The following ODAD2 variants were observed in gnomAD, a reference collection of about 807,000 sequenced individuals.
ODAD2 encodes outer dynein arm docking complex subunit 2, also known as outer dynein arm-docking complex subunit 2.
In ODAD2, 89 loss-of-function variants were observed where a neutral mutation model predicts 106.8. That is an observed-to-expected ratio of 0.83 (90% CI 0.70 to 0.99). The LOEUF (loss-of-function observed/expected upper bound fraction) is 0.99. ODAD2 is among the 50% of genes least tolerant of loss of function. The pLI is 0.00. For missense variants in ODAD2, 1,168 were observed against 1,238.5 expected (o/e 0.94, Z 0.85); for synonymous variants, 404 against 436.2 (o/e 0.93, Z 0.92).
chr10:27,944,966 C>A lies in ODAD2; in HGVS notation c.1387-4G>T, dbSNP rs1590099355. ...CTGTAGCTGTTTGATTTCCTCCCTA[C>A]AAAGATGCAATGCCAGAGAAAGGTT... On this transcript the variant is annotated splice_region_variant and splice_polypyrimidine_tract_variant and intron_variant, in intron 10 of 19. Transcript: ENST00000305242. The A allele has an allele frequency of 3.1e-6, 5 of 1,613,718 alleles. No homozygotes were observed. The highest frequency in any genetic ancestry group is 3.3e-5 in the Admixed American group (2 of 59,992).
At chr10:27,873,630 G>T (rs892356452) in intron 17 of ODAD2, among the ~76,000 whole-genome samples, 71 of 151,924 alleles carry the variant, frequency 4.7e-4, no homozygotes, top group Non-Finnish European at 7.8e-4. Flanking sequence ...AGTCATTCAG[G>T]AGCAGGTTGT....
chr10:27,860,637 A>G lies in ODAD2; in HGVS notation c.3009T>C (p.Asn1003=). 6.2e-7 allele frequency: 1 copy of G among 1,613,910 alleles called. No homozygotes were observed. Among genetic ancestry groups the G allele is most frequent in the Middle Eastern group, 1.7e-4 (1 of 5,992 alleles). Residue 1003 remains asparagine (N), a synonymous_variant, in exon 19 of 20, where the codon AAT becomes AAC. Coordinates refer to ENST00000305242, the MANE Select transcript of ODAD2 (RefSeq NM_018076.5). ...DADNCITMHE[N]GAVKLLLDMV... is the part of the protein sequence containing the mutation. ...CATTCAACTGTACCTTTACTGCACC[A>G]TTCTCATGCATGGTGATGCAGTTAT...
At chr10:27,900,216 CAG>C (rs1481467819) in intron 17 of ODAD2, among the ~76,000 whole-genome samples, 3 of 152,106 alleles carry the variant, frequency 2.0e-5, no homozygotes, top group African/African-American at 7.2e-5. Flanking sequence ...AGACCTGCAG[CAG>C]AGAGTCCTGA....
At chr10:27,928,580 T>A (rs1299200347) in intron 16 of ODAD2, among the ~76,000 whole-genome samples, 1 of 152,142 alleles carries the variant, frequency 6.6e-6, no homozygotes, top group African/African-American at 2.4e-5. Flanking sequence ...CCTCCTTTAC[T>A]GCAGGTGAGA....
chr10:27,933,952 A>C (rs961545151), intron 16 of ODAD2, among the ~76,000 whole-genome samples: 15 of 152,146 alleles, frequency 9.9e-5, no homozygotes, highest in Non-Finnish European at 2.1e-4. Flanking sequence ...CCCCACCCAA[A>C]TCTTATCCTG....
intron 17 of ODAD2, among the ~76,000 whole-genome samples, chr10:27,874,745 C>T (rs972063352): frequency 2.0e-5 from 3 of 152,140 alleles, no homozygotes; most frequent in African/African-American, 2.4e-5. Flanking sequence ...GATGGGCTTC[C>T]CTTTGTGTGT....
At chr10:27,866,818 G>A (rs1048108912) in intron 17 of ODAD2, among the ~76,000 whole-genome samples, 4 of 152,004 alleles carry the variant, frequency 2.6e-5, no homozygotes, top group Non-Finnish European at 4.4e-5. Flanking sequence ...ATTCATAAGG[G>A]ATCAGCCCCC....
At chr10:27,909,832 A>AAAG (rs1345040083) in intron 16 of ODAD2, among the ~76,000 whole-genome samples, 1 of 145,234 alleles carries the variant, frequency 6.9e-6, no homozygotes, top group African/African-American at 2.8e-5. Context: ...AAAAAAAAAA[A>AAAG]AAAAAAAAAA....
In ODAD2 at chr10:27,902,220, G is replaced by A. The variant is rs192682633; in HGVS notation, c.2610+5443C>T. Among the ~76,000 whole-genome samples the A allele has an allele frequency of 4.0e-3, 604 of 152,206 alleles. 2 individuals are homozygous for A. Among genetic ancestry groups the A allele is most frequent in the African/African-American group, 0.014 (576 of 41,522 alleles). On this transcript the variant is annotated intron_variant, in intron 17 of 19. Coordinates refer to ENST00000305242, the MANE Select transcript of ODAD2 (RefSeq NM_018076.5). Reference sequence around the variant, plus strand: ...CCTGAATGACTACTGGGTAAATAACGAAATTAAGGCAGAAATAAATAAGTT... The same window carrying A: ...CCTGAATGACTACTGGGTAAATAACAAAATTAAGGCAGAAATAAATAAGTT...
At chr10:27,918,706 A>T (rs1844565377) in intron 16 of ODAD2, among the ~76,000 whole-genome samples, 2 of 151,864 alleles carry the variant, frequency 1.3e-5, no homozygotes, top group Admixed American at 6.6e-5. Flanking sequence ...AGCACACACA[A>T]AAAAGAAATA....
chr10:27,944,755 AAG>A (rs1236692919), intron 11 of ODAD2, 59 bp downstream of exon 11: 1 of 1,603,920 alleles, frequency 6.2e-7, no homozygotes, highest in Non-Finnish European at 8.5e-7. Flanking sequence ...ACCTAGAGCT[AAG>A]AAGAGAGCCC....
chr10:27,922,369 T>C (rs1439156589), intron 16 of ODAD2, among the ~76,000 whole-genome samples: 2 of 152,020 alleles, frequency 1.3e-5, no homozygotes, highest in African/African-American at 2.4e-5. Context: ...CTTAAGCTAA[T>C]TGAATCACAT....
At chr10:27,974,450 A>T (rs145288399) in intron 7 of ODAD2, among the ~76,000 whole-genome samples, 51 of 152,308 alleles carry the variant, frequency 3.3e-4, no homozygotes, top group African/African-American at 1.1e-3. Context: ...GCATATGGCT[A>T]GCCAGTTATC....
intron 19 of ODAD2, among the ~76,000 whole-genome samples, chr10:27,824,667 C>G (rs1330970782): frequency 6.6e-6 from 1 of 152,152 alleles, no homozygotes; most frequent in Non-Finnish European, 1.5e-5. Context: ...TTATTTGAAA[C>G]AATCCATAGG....
intron 17 of ODAD2, among the ~76,000 whole-genome samples, chr10:27,890,364 T>A (rs1842480300): frequency 6.6e-6 from 1 of 152,158 alleles, no homozygotes; most frequent in Non-Finnish European, 1.5e-5. Context: ...ATGACATAAT[T>A]TAATAGATGA....
intron 10 of ODAD2, among the ~76,000 whole-genome samples, chr10:27,949,679 T>C (rs1030118225): frequency 1.3e-5 from 2 of 152,144 alleles, no homozygotes; most frequent in African/African-American, 4.8e-5. Context: ...TTCATCTTTA[T>C]TTCAAGATTG....
At chr10:27,949,641 G>A (rs1156342618) in intron 10 of ODAD2, among the ~76,000 whole-genome samples, 1 of 152,136 alleles carries the variant, frequency 6.6e-6, no homozygotes, top group African/African-American at 2.4e-5. Flanking sequence ...CAGCTGGGCT[G>A]CTGGGCCCAG....
At chr10:27,816,089 T>C (rs1044823176) in intron 19 of ODAD2, among the ~76,000 whole-genome samples, 17 of 152,202 alleles carry the variant, frequency 1.1e-4, no homozygotes, top group African/African-American at 4.1e-4. Flanking sequence ...CAACTGATTA[T>C]CATATTCTTG....
chr10:27,831,915 C>T (rs112011675), intron 19 of ODAD2, among the ~76,000 whole-genome samples: 84 of 152,342 alleles, frequency 5.5e-4, no homozygotes, highest in African/African-American at 2.0e-3. Flanking sequence ...TCTGTGAGGG[C>T]ACCAGGACCT....
Sources: gnomAD v4.1 joint callset for allele counts (sites outside exome capture counted in the v4.1 genomes callset) on GRCh38, gnomAD v4.1.1 for gene constraint, MANE v1.5 for transcripts, NCBI Gene and HGNC (gene_info 2026-07-23, HGNC 2026-07-21) for gene names.